Variants in TYW1 observed in about 807,000 individuals in gnomAD.
TYW1 encodes S-adenosyl-L-methionine-dependent tRNA 4-demethylwyosine synthase TYW1.
A neutral mutation model predicts 96.2 loss-of-function variants in TYW1; 46 were observed. The ratio of observed to expected loss-of-function variants is 0.48; its 90% confidence interval spans 0.38 to 0.61. TYW1 has a LOEUF of 0.61. Ranked by LOEUF, TYW1 falls within the 20% of genes least tolerant of loss-of-function variation. The pLI, the probability that TYW1 is intolerant of heterozygous loss-of-function variation, is 0.00. For synonymous variants in TYW1, 274 were observed against 323.0 expected, an observed-to-expected ratio of 0.85 and a Z score of 1.63; for missense variants, 684 against 909.6, an observed-to-expected ratio of 0.75 and a Z score of 3.19.
intron 12 of TYW1, among the ~76,000 whole-genome samples, chr7:67,101,571 A>C (rs1236233666): frequency 6.6e-6 from 1 of 152,154 alleles, no homozygotes; most frequent in African/African-American, 2.4e-5. Context: ...GCTGGAGTGC[A>C]GTGGCACAAT....
chr7:67,199,279 G>A (rs1800510108), intron 15 of TYW1, among the ~76,000 whole-genome samples: 1 of 152,126 alleles, frequency 6.6e-6, no homozygotes, highest in Non-Finnish European at 1.5e-5. Context: ...GAGGTTGTAT[G>A]TCCTCAGATG....
At chr7:67,128,451 C>T (rs556805323) in intron 13 of TYW1, among the ~76,000 whole-genome samples, 1 of 152,310 alleles carries the variant, frequency 6.6e-6, no homozygotes, top group African/African-American at 2.4e-5. Flanking sequence ...ACTTTATCCA[C>T]TGGAGCCCTT....
At chr7:67,134,809 A>G (rs1798193223) in intron 13 of TYW1, among the ~76,000 whole-genome samples, 1 of 150,180 alleles carries the variant, frequency 6.7e-6, no homozygotes, top group Non-Finnish European at 1.5e-5. Flanking sequence ...TTGAGGTATA[A>G]TTTACATATC....
At chr7:67,091,469 C>T (rs1035019983) in intron 11 of TYW1, among the ~76,000 whole-genome samples, 9 of 151,998 alleles carry the variant, frequency 5.9e-5, no homozygotes, top group East Asian at 3.9e-4. Context: ...ATGTAAATGA[C>T]GAGTTAACGG....
chr7:67,025,323 G>T (rs1303940227), intron 7 of TYW1, among the ~76,000 whole-genome samples: 2 of 151,644 alleles, frequency 1.3e-5, no homozygotes, highest in Admixed American at 1.3e-4. Context: ...TAGAAAAAAT[G>T]TCTTGGGCTA....
intron 14 of TYW1, among the ~76,000 whole-genome samples, chr7:67,190,219 T>G (rs754139819): frequency 2.6e-5 from 4 of 152,254 alleles, no homozygotes; most frequent in Admixed American, 6.5e-5. Context: ...TTTTCTTGTA[T>G]GTAGCAGTCC....
chr7:67,182,127 C>T (rs1180018575), intron 13 of TYW1, among the ~76,000 whole-genome samples: 1 of 152,194 alleles, frequency 6.6e-6, no homozygotes, highest in African/African-American at 2.4e-5. Flanking sequence ...CCACACCCGG[C>T]CTTAAGCCAT....
chr7:67,113,088 C>T (rs570773682), intron 12 of TYW1, among the ~76,000 whole-genome samples: 1 of 152,096 alleles, frequency 6.6e-6, no homozygotes, highest in African/African-American at 2.4e-5. Context: ...ATCTCATTCT[C>T]TTCCTGATGA....
intron 9 of TYW1, among the ~76,000 whole-genome samples, chr7:67,061,333 C>T (rs577386076): frequency 3.9e-5 from 6 of 152,316 alleles, no homozygotes; most frequent in African/African-American, 1.4e-4. Flanking sequence ...CTAGTCCAGT[C>T]TACACGTAGA....
At chr7:67,102,928 C>T (rs972574266) in intron 12 of TYW1, among the ~76,000 whole-genome samples, 6 of 152,190 alleles carry the variant, frequency 3.9e-5, no homozygotes, top group East Asian at 1.9e-4. Flanking sequence ...GGATTATAGG[C>T]GTGAGCCATC....
intron 9 of TYW1, among the ~76,000 whole-genome samples, chr7:67,059,051 T>C (rs1204557434): frequency 6.6e-6 from 1 of 151,906 alleles, no homozygotes; most frequent in Non-Finnish European, 1.5e-5. Flanking sequence ...GAAGACAGTA[T>C]ACTTTTTAAT....
chr7:67,057,215 A>G (rs1165018918), intron 9 of TYW1, among the ~76,000 whole-genome samples: 1 of 151,782 alleles, frequency 6.6e-6, no homozygotes, highest in Non-Finnish European at 1.5e-5. Flanking sequence ...GGGTTTCACC[A>G]TGTTAGCCAG....
chr7:67,057,302 C>T (rs1450962564), intron 9 of TYW1, among the ~76,000 whole-genome samples: 34 of 151,662 alleles, frequency 2.2e-4, no homozygotes, highest in Non-Finnish European at 4.6e-4. Context: ...TTTGAGCCAC[C>T]GTGCCTGGCC....
At chr7:67,053,506 A>C (rs1795426594) in intron 8 of TYW1, among the ~76,000 whole-genome samples, 1 of 151,022 alleles carries the variant, frequency 6.6e-6, no homozygotes, top group African/African-American at 2.4e-5. Context: ...CAGCCTCCCG[A>C]GTAGCTGGGA....
At chr7:67,041,809 T>C (rs866715839) in intron 7 of TYW1, among the ~76,000 whole-genome samples, 1 of 152,082 alleles carries the variant, frequency 6.6e-6, no homozygotes, top group African/African-American at 2.4e-5. Context: ...ACGTCTCAGC[T>C]TGTGTATCTG....
At chr7:67,018,641 C>G (rs537631072) in intron 6 of TYW1, among the ~76,000 whole-genome samples, 1 of 151,948 alleles carries the variant, frequency 6.6e-6, no homozygotes, top group Non-Finnish European at 1.5e-5. Context: ...TAAGCCATAT[C>G]GTGCTAGATG....
chr7:67,168,447 C>T (rs34145691), intron 13 of TYW1, among the ~76,000 whole-genome samples: 42,720 of 151,946 alleles, frequency 0.28, 6,518 homozygotes, highest in African/African-American at 0.4. Context: ...AATAGGCCCT[C>T]TTTTTCTGTT....
intron 12 of TYW1, among the ~76,000 whole-genome samples, chr7:67,112,798 G>A (rs1479232523): frequency 6.6e-6 from 1 of 152,110 alleles, no homozygotes; most frequent in Non-Finnish European, 1.5e-5. Flanking sequence ...GGGAGGCACA[G>A]GGGAGCCAGA....
chr7:67,207,722 T>C (rs2116382495), intron 15 of TYW1, among the ~76,000 whole-genome samples: 1 of 81,532 alleles, frequency 1.2e-5, no homozygotes, highest in South Asian at 4.2e-4. Context: ...TTTGCCTTTT[T>C]TTTTTTTTTT....
Sources: allele counts gnomAD v4.1 joint callset (sites outside exome capture counted in the v4.1 genomes callset), GRCh38; gene constraint gnomAD v4.1.1; transcripts MANE v1.5; gene names NCBI Gene and HGNC (gene_info 2026-07-23, HGNC 2026-07-21).